Variants in RGPD2 observed in about 807,000 individuals in gnomAD.
RGPD2 encodes RANBP2 like and GRIP domain containing 2.
RGPD2 carries 2 observed loss-of-function variants against 36.0 expected under a neutral mutation model. The ratio of observed to expected loss-of-function variants is 0.06; its 90% CI spans 0.02 to 0.17. The LOEUF is 0.17. RGPD2 is among the 10% of genes least tolerant of loss of function. The pLI is 1.00. For missense variants in RGPD2, 40 were observed against 464.3 expected, an observed-to-expected ratio of 0.09 and a Z score of 8.40; for synonymous variants, 19 against 163.8, an observed-to-expected ratio of 0.12 and a Z score of 6.75.
rs1685457917 is a variant in RGPD2 at position 87,782,754 on chromosome 2, A to G, written c.4270T>C (p.Cys1424Arg). The G allele has an allele frequency of 1.5e-6, 2 of 1,331,210 alleles. No individual in the cohort carries two copies. The highest frequency in any genetic ancestry group is 2.0e-6 in the Non-Finnish European group (2 of 983,922). 82.5% of individuals were successfully genotyped at this position (1,331,210 alleles called of 1,614,324 possible). ...TTTCTTTCTCCATCTGCAAAATCAC[A>G]TGCAGTCCACACCCATACTCTTTCT... ...GTERVWVWTA[C>R]DFADGERKVE... The change falls in exon 20 of 23, where the codon TGT (cysteine) becomes CGT (arginine). Residue 1424 changes from cysteine (C) to arginine (R), a missense_variant. By Grantham distance (180) the Cys-to-Arg change is radical. Coordinates refer to ENST00000398146, the MANE Select transcript of RGPD2 (RefSeq NM_001078170.3).
At chr2:87,974,729 A>G in the RGPD2 span, among the ~76,000 whole-genome samples, 1 of 152,220 alleles carries the variant, frequency 6.6e-6, no homozygotes, top group South Asian at 2.1e-4. Context: ...CGTTTACAAT[A>G]GCTTTGGTTC....
At chr2:87,933,781 TA>T in the RGPD2 span, among the ~76,000 whole-genome samples, 1 of 147,738 alleles carries the variant, frequency 6.8e-6, no homozygotes, top group East Asian at 2.0e-4. Flanking sequence ...TCAGGTCAGT[TA>T]CATTTTTCTC....
chr2:87,985,145 G>GCCTTCCC, the RGPD2 span, among the ~76,000 whole-genome samples: 3 of 126,726 alleles, frequency 2.4e-5, no homozygotes, highest in Non-Finnish European at 3.3e-5. Flanking sequence ...TCTAATAAGG[G>GCCTTCCC]CCTGTAAGGA....
chr2:87,841,855 T>G, the RGPD2 span, among the ~76,000 whole-genome samples: 1 of 143,488 alleles, frequency 7.0e-6, no homozygotes. Context: ...AAAAAGCTTA[T>G]CCACCATGAT....
the RGPD2 span, among the ~76,000 whole-genome samples, chr2:87,857,406 A>G: frequency 9.9e-5 from 15 of 151,634 alleles, no homozygotes; most frequent in Non-Finnish European, 1.8e-4. Context: ...GCAGTGGTGC[A>G]ATCTCAGCTC....
chr2:87,984,677 T>C, the RGPD2 span, among the ~76,000 whole-genome samples: 1 of 146,658 alleles, frequency 6.8e-6, no homozygotes, highest in African/African-American at 2.5e-5. Flanking sequence ...ACACCTGTAA[T>C]CCCAGCACTT....
At chr2:87,861,878 ATG>A in the RGPD2 span, among the ~76,000 whole-genome samples, 4 of 97,148 alleles carry the variant, frequency 4.1e-5, no homozygotes, top group Non-Finnish European at 8.3e-5. Context: ...GTGTATATAT[ATG>A]TGTGTGTGTG....
chr2:87,962,605 C>A, the RGPD2 span, among the ~76,000 whole-genome samples: 1 of 150,186 alleles, frequency 6.7e-6, no homozygotes, highest in African/African-American at 2.4e-5. Flanking sequence ...ACTTGAGGTA[C>A]CATTTATCTA....
chr2:87,921,269 T>C, the RGPD2 span, among the ~76,000 whole-genome samples: 1 of 152,294 alleles, frequency 6.6e-6, no homozygotes, highest in South Asian at 2.1e-4. Flanking sequence ...AGCCCTGTAC[T>C]GAATGAACAA....
At chr2:87,857,671 T>G in the RGPD2 span, among the ~76,000 whole-genome samples, 162 of 150,512 alleles carry the variant, frequency 1.1e-3, no homozygotes, top group South Asian at 9.9e-3. Flanking sequence ...AGGCGCGGTG[T>G]CTCACGCCTG....
the RGPD2 span, among the ~76,000 whole-genome samples, chr2:87,964,815 A>ATTTTTT: frequency 2.6e-5 from 2 of 77,950 alleles, no homozygotes; most frequent in African/African-American, 3.8e-5. Flanking sequence ...TTATTTATTT[A>ATTTTTT]TTTTTCTTTT....
chr2:87,923,137 T>G, the RGPD2 span, among the ~76,000 whole-genome samples: 2 of 151,930 alleles, frequency 1.3e-5, no homozygotes, highest in Admixed American at 6.6e-5. Context: ...TGCTTCCTAC[T>G]GGAAGAGAAA....
the RGPD2 span, among the ~76,000 whole-genome samples, chr2:87,973,400 C>A: frequency 0.017 from 2,224 of 131,056 alleles, 42 homozygotes; most frequent in Non-Finnish European, 0.026. Flanking sequence ...GAGGACTACT[C>A]CCCGTGTGCA....
the RGPD2 span, among the ~76,000 whole-genome samples, chr2:87,911,514 A>G: frequency 6.6e-6 from 1 of 152,070 alleles, no homozygotes; most frequent in Non-Finnish European, 1.5e-5. Context: ...TGGAATGTAT[A>G]ATTTCTTTGA....
the RGPD2 span, among the ~76,000 whole-genome samples, chr2:87,973,494 G>A: frequency 7.5e-6 from 1 of 133,812 alleles, no homozygotes; most frequent in African/African-American, 2.7e-5. Context: ...TTTTGAGAGG[G>A]TGGATGGGTT....
chr2:87,988,523 A>AGG, the RGPD2 span, among the ~76,000 whole-genome samples: 1 of 26,128 alleles, frequency 3.8e-5, no homozygotes, highest in African/African-American at 7.1e-5. Flanking sequence ...ATATACATAT[A>AGG]AATATATATA....
chr2:87,842,393 G>T, the RGPD2 span, among the ~76,000 whole-genome samples: 42 of 140,934 alleles, frequency 3.0e-4, 5 homozygotes, highest in African/African-American at 1.2e-3. Context: ...TATAAAAATC[G>T]CAAGCATTCT....
chr2:87,983,298 T>C, the RGPD2 span, among the ~76,000 whole-genome samples: 16 of 152,230 alleles, frequency 1.1e-4, no homozygotes, highest in South Asian at 1.0e-3. Flanking sequence ...CCAGCCTAGA[T>C]GACAGAGCAA....
At chr2:87,809,888 C>A (rs1686108361) in intron 6 of RGPD2, among the ~76,000 whole-genome samples, 1 of 93,506 alleles carries the variant, frequency 1.1e-5, no homozygotes, top group African/African-American at 3.7e-5. Context: ...CAACCTGAGG[C>A]AGGAGGATAA....
Sources: gnomAD v4.1 joint callset for allele counts (sites outside exome capture counted in the v4.1 genomes callset) on GRCh38, gnomAD v4.1.1 for gene constraint, MANE v1.5 for transcripts, NCBI Gene and HGNC (gene_info 2026-07-23, HGNC 2026-07-21) for gene names.